Variants in WFDC9 observed in about 807,000 individuals in gnomAD.
The protein encoded by WFDC9 is protein WFDC9.
A neutral mutation model predicts 9.5 loss-of-function variants in WFDC9; 9 were observed. That is an observed-to-expected ratio of 0.95 (90% confidence interval 0.57 to 1.65). The LOEUF (loss-of-function observed/expected upper bound fraction) is 1.65. Ranked by LOEUF, WFDC9 falls within the 40% of genes most tolerant of loss-of-function variation. The pLI, the probability that WFDC9 is intolerant of heterozygous loss-of-function variation, is 0.00. For synonymous variants in WFDC9, 33 were observed against 32.3 expected (o/e 1.02, Z -0.07); for missense variants, 87 against 106.7 (o/e 0.82, Z 0.81).
chr20:45,610,857 G>A (rs1052999459), intron 2 of WFDC9, among the ~76,000 whole-genome samples: 8 of 152,328 alleles, frequency 5.3e-5, no homozygotes, highest in East Asian at 3.9e-4. Context: ...AGCTTTGCTC[G>A]TGAAAGCCGG....
chr20:45,629,739 A>T, intron 1 of WFDC9: 1 of 1,535,608 alleles, frequency 6.5e-7, no homozygotes, highest in East Asian at 2.4e-5. Context: ...TCCTTCCTTC[A>T]CTCTCCGTAG....
intron 1 of WFDC9, among the ~76,000 whole-genome samples, chr20:45,622,328 G>T (rs1365703240): frequency 6.6e-6 from 1 of 152,098 alleles, no homozygotes; most frequent in Non-Finnish European, 1.5e-5. Flanking sequence ...ATTTTATAAT[G>T]TGGCTAGATA....
chr20:45,608,518 G>T, intron 4 of WFDC9, 145 bp downstream of exon 4: 1 of 992,454 alleles, frequency 1.0e-6, no homozygotes, highest in Non-Finnish European at 1.5e-6. Context: ...GTGAGGAGCA[G>T]CCTAGGTTTG....
chr20:45,608,259 AC>A, intron 4 of WFDC9, 119 bp from the exon 5 acceptor site: 1 of 1,203,936 alleles, frequency 8.3e-7, no homozygotes, highest in Non-Finnish European at 1.2e-6. Flanking sequence ...ATCAGAAGTT[AC>A]CCACTTTTAA....
Position 45,608,651 on chromosome 20 carries a change from C to T in WFDC9, c.239+12G>A. The T allele has an allele frequency of 3.7e-6, 6 of 1,608,410 alleles. No individual in the cohort carries two copies. Among genetic ancestry groups the T allele is most frequent in the Non-Finnish European group, 5.1e-6 (6 of 1,177,068 alleles). On this transcript the variant is annotated intron_variant, in intron 4 of 4. Transcript: ENST00000326000. ...TGCCCAGGCCCTAGCCTTCCCACCC[C>T]AACCAACTCACTCGTTGTCTAAGCA...
At chr20:45,618,044 A>G (rs931989408) in intron 1 of WFDC9, among the ~76,000 whole-genome samples, 3 of 152,212 alleles carry the variant, frequency 2.0e-5, no homozygotes, top group Admixed American at 6.5e-5. Flanking sequence ...GGCCAACAGT[A>G]TCTTAGCTAG....
chr20:45,625,053 T>C (rs570401760), intron 1 of WFDC9, among the ~76,000 whole-genome samples: 3 of 152,346 alleles, frequency 2.0e-5, no homozygotes, highest in Admixed American at 2.0e-4. Context: ...TACCTGAGAC[T>C]GGGTAATTTA....
chr20:45,613,053 T>C (rs1206866459), intron 2 of WFDC9, among the ~76,000 whole-genome samples: 2 of 152,224 alleles, frequency 1.3e-5, no homozygotes, highest in African/African-American at 2.4e-5. Context: ...TGCTGTCCAA[T>C]GTGGTAGCCA....
chr20:45,628,154 C>T (rs2145603523), intron 1 of WFDC9, among the ~76,000 whole-genome samples: 1 of 152,326 alleles, frequency 6.6e-6, no homozygotes, highest in Non-Finnish European at 1.5e-5. Context: ...TAACAGAAAG[C>T]CTCCATCACA....
chr20:45,623,152 A>C (rs6073821), intron 1 of WFDC9, among the ~76,000 whole-genome samples: 1 of 152,052 alleles, frequency 6.6e-6, no homozygotes, highest in Non-Finnish European at 1.5e-5. Context: ...ATGGTCATAC[A>C]GTTATTCACC....
At position 45,629,894 on chromosome 20, in the gene WFDC9, G is replaced by C. The variant is rs142723462; in HGVS notation, c.-153+1309C>G. 20 of 1,613,620 alleles carry C rather than the reference G, an allele frequency of 1.2e-5. No individual in the cohort carries two copies. The African/African-American group carries it at 2.3e-4, about 18-fold the overall frequency. ...CCCAGGGAGGATACCGTGACAAGAA[G>C]AGGATGCAGAGTAGGTGATGGGCTG... On this transcript the variant is annotated intron_variant, in intron 1 of 4. Transcript: ENST00000326000.
At chr20:45,610,296 C>G (rs966056338) in intron 2 of WFDC9, 57 bp from the exon 3 acceptor site, 2 of 816,118 alleles carry the variant, frequency 2.5e-6, no homozygotes, top group African/African-American at 3.4e-5. Context: ...GGGTAAAGTG[C>G]TTATGACTAT....
intron 2 of WFDC9, among the ~76,000 whole-genome samples, chr20:45,611,353 G>A (rs1200804190): frequency 1.3e-5 from 2 of 152,096 alleles, no homozygotes; most frequent in Non-Finnish European, 2.9e-5. Flanking sequence ...GAGGGAGGGA[G>A]GAATCCATAG....
rs1245203674 is a variant in WFDC9 at position 45,631,262 on chromosome 20, C to T, written c.-212G>A. On this transcript the variant is annotated 5_prime_UTR_variant, in exon 1 of 5. Transcript: ENST00000326000. ...CTCACTGTGGCCCCTACAGATGCCCCACTTGTCTTGCGTCCTGGTGTTCAA... is the reference window on the plus strand; with the variant it reads ...CTCACTGTGGCCCCTACAGATGCCCTACTTGTCTTGCGTCCTGGTGTTCAA... 1 of 345,194 alleles carries T rather than the reference C, an allele frequency of 2.9e-6. No individual in the cohort carries two copies. Among genetic ancestry groups the T allele is most frequent in the African/African-American group, 2.1e-5 (1 of 47,298 alleles). The allele number at this position is 345,194 out of a possible 1,614,324, so 21.4% of individuals were successfully genotyped here. A position where few individuals can be genotyped will look rare whatever the true frequency, so the allele number is the denominator to read the frequency against.
chr20:45,624,601 T>G (rs544324424), intron 1 of WFDC9, among the ~76,000 whole-genome samples: 2 of 152,228 alleles, frequency 1.3e-5, no homozygotes, highest in African/African-American at 2.4e-5. Flanking sequence ...CTGGGTCATA[T>G]GGTAGTGGAG....
intron 1 of WFDC9, among the ~76,000 whole-genome samples, chr20:45,628,593 G>A (rs1269556380): frequency 6.6e-6 from 1 of 152,192 alleles, no homozygotes; most frequent in Admixed American, 6.5e-5. Context: ...GAAAGAGAGA[G>A]CCTTTGGGAA....
At chr20:45,629,670 C>A in intron 1 of WFDC9, 1 of 1,065,396 alleles carries the variant, frequency 9.4e-7, no homozygotes, top group Non-Finnish European at 1.4e-6. Flanking sequence ...GAAGGACTCT[C>A]TTGCTCTGCT....
chr20:45,614,242 A>G (rs1428088746), intron 2 of WFDC9, among the ~76,000 whole-genome samples: 3 of 152,178 alleles, frequency 2.0e-5, no homozygotes, highest in Non-Finnish European at 4.4e-5. Context: ...AAACATCATT[A>G]TGCCCAGGCT....
intron 1 of WFDC9, chr20:45,630,055 C>A: frequency 9.2e-7 from 1 of 1,088,028 alleles, no homozygotes; most frequent in South Asian, 1.8e-5. Context: ...GTCCCTAAAC[C>A]ATGGCCCTCC....
Sources: gnomAD v4.1 joint callset for allele counts (sites outside exome capture counted in the v4.1 genomes callset) on GRCh38, gnomAD v4.1.1 for gene constraint, MANE v1.5 for transcripts, NCBI Gene and HGNC (gene_info 2026-07-23, HGNC 2026-07-21) for gene names.